Variants in C10orf67 observed in about 807,000 individuals in gnomAD.
C10orf67 encodes chromosome 10 open reading frame 67.
C10orf67 carries 60 observed loss-of-function variants against 35.6 expected under a neutral mutation model. That is an observed-to-expected ratio of 1.68 (90% CI 1.37 to 2.09). The LOEUF is 2.09. Ranked by LOEUF, C10orf67 falls within the 30% of genes most tolerant of loss-of-function variation. C10orf67 has a pLI of 0.00. For synonymous variants in C10orf67, 167 were observed against 115.8 expected (o/e 1.44, Z -2.84); for missense variants, 474 against 330.2 (o/e 1.44, Z -3.38).
chr10:23,325,555 A>C (rs10828428), intron 2 of C10orf67, among the ~76,000 whole-genome samples: 5 of 151,350 alleles, frequency 3.3e-5, no homozygotes, highest in African/African-American at 1.2e-4. Flanking sequence ...AACAAAAAAC[A>C]AAAAAACAAA....
At chr10:23,237,185 C>G (rs1275142713) in intron 13 of C10orf67, among the ~76,000 whole-genome samples, 1 of 152,110 alleles carries the variant, frequency 6.6e-6, no homozygotes, top group African/African-American at 2.4e-5. Flanking sequence ...GCCTCCAGCT[C>G]CATTCATGTT....
Position 23,344,463 on chromosome 10 carries a change from A to G in C10orf67, c.206+106T>C, listed in dbSNP as rs1169168969. 4.1e-5 allele frequency: 44 copies of G among 1,084,024 alleles called. No homozygotes were observed. The East Asian group carries it at 1.1e-3, about 28-fold the overall frequency. The allele number at this position is 1,084,024 out of a possible 1,614,324, so 67.2% of individuals were successfully genotyped here. A position where few individuals can be genotyped will look rare whatever the true frequency, so the allele number is the denominator to read the frequency against. On this transcript the variant is annotated intron_variant, in intron 1 of 15. Transcript: ENST00000636213. ...CTCCCACAGCCTGGAGGCTGCTGCGATACCCCAGAGGAAAGCTGCACCCCC... is the reference window on the plus strand; with the variant it reads ...CTCCCACAGCCTGGAGGCTGCTGCGGTACCCCAGAGGAAAGCTGCACCCCC...
intron 1 of C10orf67, among the ~76,000 whole-genome samples, chr10:23,342,644 A>G (rs1845946791): frequency 6.6e-6 from 1 of 152,230 alleles, no homozygotes; most frequent in Non-Finnish European, 1.5e-5. Context: ...AGCAAACACT[A>G]GAACAGGGTA....
At chr10:23,255,950 T>C (rs1168521293) in intron 10 of C10orf67, among the ~76,000 whole-genome samples, 1 of 152,208 alleles carries the variant, frequency 6.6e-6, no homozygotes, top group Non-Finnish European at 1.5e-5. Flanking sequence ...AAAAATTTTC[T>C]TCTTTTGGCA....
chr10:23,301,776 G>A (rs933602602), intron 5 of C10orf67, among the ~76,000 whole-genome samples: 5 of 152,218 alleles, frequency 3.3e-5, no homozygotes, highest in Non-Finnish European at 4.4e-5. Context: ...TGGAATCTTG[G>A]GCCATGCAGT....
intron 10 of C10orf67, among the ~76,000 whole-genome samples, chr10:23,265,460 G>C (rs1294224038): frequency 6.6e-6 from 1 of 152,254 alleles, no homozygotes; most frequent in East Asian, 1.9e-4. Flanking sequence ...ATGCAGTGGA[G>C]AGACTCTGTG....
chr10:23,331,169 ACCGGGACGGGGAAGGGAAGGG>A (rs1845438600), intron 2 of C10orf67, among the ~76,000 whole-genome samples: 1 of 145,024 alleles, frequency 6.9e-6, no homozygotes. Context: ...AGGGAAGGGA[ACCGGGACGGGGAAGGGAAGGG>A]AAGGGAAGGG....
At chr10:23,292,724 T>C (rs1219056655) in intron 5 of C10orf67, among the ~76,000 whole-genome samples, 2 of 146,146 alleles carry the variant, frequency 1.4e-5, no homozygotes, top group Admixed American at 6.9e-5. Flanking sequence ...ATGGTATATA[T>C]ATGTGTGTGT....
intron 8 of C10orf67, among the ~76,000 whole-genome samples, chr10:23,277,058 C>T (rs1382788928): frequency 6.6e-6 from 1 of 151,964 alleles, no homozygotes; most frequent in East Asian, 1.9e-4. Context: ...CCTAAGGTGC[C>T]CCAAACCTTA....
intron 2 of C10orf67, among the ~76,000 whole-genome samples, chr10:23,326,194 A>T (rs1845187264): frequency 6.6e-6 from 1 of 152,130 alleles, no homozygotes. Flanking sequence ...TAATTTATTT[A>T]TCCAAGCAGG....
intron 1 of C10orf67, among the ~76,000 whole-genome samples, chr10:23,343,570 A>G (rs903957239): frequency 2.6e-5 from 4 of 152,176 alleles, no homozygotes; most frequent in African/African-American, 9.7e-5. Flanking sequence ...ATGATCTATG[A>G]AGCAGGCACT....
intron 13 of C10orf67, among the ~76,000 whole-genome samples, chr10:23,225,577 A>G (rs1252773927): frequency 1.3e-5 from 2 of 152,186 alleles, no homozygotes; most frequent in Non-Finnish European, 2.9e-5. Flanking sequence ...AGACTGGCAA[A>G]TTGGAAAAAG....
intron 2 of C10orf67, among the ~76,000 whole-genome samples, chr10:23,325,465 T>A: frequency 7.4e-6 from 1 of 134,932 alleles, no homozygotes. Context: ...AAAACCAAGA[T>A]TTGGGCTGCT....
intron 8 of C10orf67, among the ~76,000 whole-genome samples, chr10:23,279,644 A>T (rs1166292482): frequency 6.6e-6 from 1 of 152,170 alleles, no homozygotes; most frequent in African/African-American, 2.4e-5. Context: ...TGTTTTTCTG[A>T]TGAGGACCCT....
At chr10:23,294,247 G>T (rs1395272783) in intron 5 of C10orf67, among the ~76,000 whole-genome samples, 1 of 152,138 alleles carries the variant, frequency 6.6e-6, no homozygotes, top group African/African-American at 2.4e-5. Flanking sequence ...GCAACAAGCA[G>T]ATATGCTCGC....
intron 8 of C10orf67, among the ~76,000 whole-genome samples, chr10:23,275,664 G>C (rs1843166651): frequency 6.6e-6 from 1 of 152,146 alleles, no homozygotes; most frequent in African/African-American, 2.4e-5. Flanking sequence ...GTTTAGTGCA[G>C]ATGAGTAAAT....
intron 10 of C10orf67, among the ~76,000 whole-genome samples, chr10:23,253,423 G>A (rs938968059): frequency 3.3e-5 from 5 of 152,198 alleles, no homozygotes; most frequent in Admixed American, 3.3e-4. Context: ...GGGGTAGAGA[G>A]TGAGTTCACT....
intron 6 of C10orf67, 40 bp from the exon 7 acceptor site, chr10:23,289,998 A>G (rs1248851882): frequency 8.4e-6 from 6 of 715,494 alleles, no homozygotes. Context: ...ATGAAATTAC[A>G]TGCTTATGCC....
At position 23,291,257 on chromosome 10, in the gene C10orf67, C is replaced by G. The variant is rs1349113252; in HGVS notation, c.725G>C (p.Ser242Thr). The change falls in exon 6 of 16, where the codon AGC becomes ACC. Residue 242 changes from serine (S) to threonine (T), a missense_variant. Coordinates refer to ENST00000636213, the MANE Select transcript of C10orf67 (RefSeq NM_001371909.1). ...HKMESFAKET[S>T]SPKSNLEKEN... ...CTTTTCTAGGTTTGATTTTGGAGAG[C>G]TGGTTTCTTTGGCAAAAGATTCCTA... The G allele has an allele frequency of 8.4e-6, 6 of 715,156 alleles. No homozygotes were observed. The Admixed American group carries it at 1.2e-4, about 14-fold the overall frequency. The allele number at this position is 715,156 out of a possible 1,614,324, so 44.3% of individuals were successfully genotyped here.
Sources: gnomAD v4.1 joint callset for allele counts (sites outside exome capture counted in the v4.1 genomes callset) on GRCh38, gnomAD v4.1.1 for gene constraint, MANE v1.5 for transcripts, NCBI Gene and HGNC (gene_info 2026-07-23, HGNC 2026-07-21) for gene names.